Variants in RSPO4 observed in about 807,000 individuals in gnomAD.
RSPO4 encodes the protein R-spondin 4.
A neutral mutation model predicts 24.8 loss-of-function variants in RSPO4; 23 were observed. That is an observed-to-expected ratio of 0.93 (90% CI 0.67 to 1.31). The LOEUF is 1.31. Ranked by LOEUF, RSPO4 falls within the 40% of genes most tolerant of loss-of-function variation. RSPO4 has a pLI of 0.00. For synonymous variants in RSPO4, 141 were observed against 127.4 expected (o/e 1.11, Z -0.72); for missense variants, 333 against 316.5 (o/e 1.05, Z -0.39).
intron 1 of RSPO4, among the ~76,000 whole-genome samples, chr20:1,001,722 A>T (rs1985469338): frequency 6.6e-6 from 1 of 152,086 alleles, no homozygotes; most frequent in Non-Finnish European, 1.5e-5. Context: ...GATGCTTGGA[A>T]TGGCTTCTAC....
chr20:987,441 C>T (rs150592363), intron 1 of RSPO4, among the ~76,000 whole-genome samples: 49 of 152,224 alleles, frequency 3.2e-4, no homozygotes, highest in African/African-American at 1.1e-3. Context: ...CAAATCCCAG[C>T]CCCACCTTTA....
At position 968,089 on chromosome 20, in the gene RSPO4, C is replaced by T. The variant is rs201142150; in HGVS notation, c.129G>A (p.Glu43=). 5 of 1,614,218 alleles carry T rather than the reference C, an allele frequency of 3.1e-6. No homozygotes were observed. Among genetic ancestry groups the T allele is most frequent in the Non-Finnish European group, 4.2e-6 (5 of 1,180,038 alleles). The change falls in exon 2 of 5, where the codon GAG becomes GAA. Residue 43 remains glutamate, a synonymous_variant. Coordinates refer to ENST00000217260, the MANE Select transcript of RSPO4 (RefSeq NM_001029871.4). ...GNCTGCIICS[E]ENGCSTCQQR... The stretch of plus-strand genomic sequence containing the variant: ...GCTGGCAGGTGGAACAGCCGTTCTC[C>T]TCTGAGCAGATGATACAGCCTGTGC...
rs1985487303 is a variant in RSPO4 at position 1,002,106 on chromosome 20, A to C, written c.59T>G (p.Leu20Arg). ...TGTACCTTGCTTCTTCCTTCGGTTC[A>C]GGGCGAGCATGTCCACGGCGTGGGC... ...LVAHAVDMLALNRRKKQVGTG... is the reference protein window; with the variant it reads ...LVAHAVDMLARNRRKKQVGTG... The change falls in exon 1 of 5, where the codon CTG becomes CGG. Residue 20 changes from leucine to arginine, a missense_variant. By Grantham distance (102) the Leu-to-Arg change is moderately radical (BLOSUM62 -2). Transcript: ENST00000217260. This position sits in a 1 kb window ranked among gnomAD's most constrained non-coding sequence, Gnocchi z 4.6. 6.4e-7 allele frequency: 1 copy of C among 1,563,690 alleles called. No homozygotes were observed. Among genetic ancestry groups the C allele is most frequent in the African/African-American group, 1.4e-5 (1 of 73,740 alleles).
In RSPO4 at chr20:960,462, C is replaced by T. The variant is rs1420471193; in HGVS notation, c.600G>A (p.Arg200=). Residue 200 remains arginine, a synonymous_variant, in exon 5 of 5, where the codon AGG becomes AGA. Coordinates refer to ENST00000217260, the MANE Select transcript of RSPO4 (RefSeq NM_001029871.4). ...CPIQRPCPGE[R]SPGQKKGRKD... is the part of the protein sequence containing the mutation. The stretch of plus-strand genomic sequence containing the variant: ...TCCTGCCCTTCTTCTGGCCGGGGCT[C>T]CTCTCTGCAATGAGAGGACAGAGCC... 5.2e-6 allele frequency: 8 copies of T among 1,538,822 alleles called. No individual in the cohort carries two copies. Among genetic ancestry groups the T allele is most frequent in the Non-Finnish European group, 7.0e-6 (8 of 1,146,632 alleles).
At chr20:983,403 C>A (rs1459537394) in intron 1 of RSPO4, among the ~76,000 whole-genome samples, 1 of 152,184 alleles carries the variant, frequency 6.6e-6, no homozygotes, top group Non-Finnish European at 1.5e-5. Flanking sequence ...GAGATCGATT[C>A]CTAAAATGAA....
intron 1 of RSPO4, among the ~76,000 whole-genome samples, chr20:987,630 A>T (rs1984961693): frequency 6.8e-6 from 1 of 146,038 alleles, no homozygotes; most frequent in South Asian, 2.2e-4. Flanking sequence ...CTATGAAAAT[A>T]AAAAAAAAAA....
chr20:977,861 G>A (rs887167810), intron 1 of RSPO4, among the ~76,000 whole-genome samples: 17 of 151,428 alleles, frequency 1.1e-4, no homozygotes, highest in East Asian at 3.9e-4. Context: ...CGCATCCTCC[G>A]ATGCCCGCCT....
Position 981,410 on chromosome 20 carries a change from A to G in RSPO4, c.80-13272T>C, listed in dbSNP as rs1984731147. ...CGTGGTGGTGCACACCTGTAATCCC[A>G]GCTACTCAGGTGGCTGAGGCATGAG... On this transcript the variant is annotated intron_variant, in intron 1 of 4. Transcript: ENST00000217260. The surrounding 1 kb of genome is among the most constrained non-coding windows in gnomAD (Gnocchi z 4.6). Among the ~76,000 whole-genome samples the G allele has an allele frequency of 6.6e-6, 1 of 152,190 alleles. No individual in the cohort carries two copies. The highest frequency in any genetic ancestry group is 2.1e-4 in the South Asian group (1 of 4,834).
At chr20:1,000,621 T>A (rs531113444) in intron 1 of RSPO4, among the ~76,000 whole-genome samples, 1 of 152,270 alleles carries the variant, frequency 6.6e-6, no homozygotes, top group East Asian at 1.9e-4. Flanking sequence ...ATGGGTAAAG[T>A]GAGGATTGGA....
At chr20:963,398 T>C (rs1162496164) in intron 4 of RSPO4, among the ~76,000 whole-genome samples, 1 of 152,130 alleles carries the variant, frequency 6.6e-6, no homozygotes, top group Non-Finnish European at 1.5e-5. Flanking sequence ...ACCTTACTAA[T>C]CATTGGTCAC....
intron 1 of RSPO4, among the ~76,000 whole-genome samples, chr20:985,223 A>C (rs1055818464): frequency 2.3e-5 from 3 of 130,132 alleles, no homozygotes; most frequent in South Asian, 2.5e-4. Flanking sequence ...CCATCCATCC[A>C]CCCACCCATA....
intron 1 of RSPO4, among the ~76,000 whole-genome samples, chr20:984,469 G>A (rs961441695): frequency 6.6e-6 from 1 of 152,210 alleles, no homozygotes; most frequent in African/African-American, 2.4e-5. Context: ...TCCTTGGTCA[G>A]TGTGTCCCTG....
intron 1 of RSPO4, among the ~76,000 whole-genome samples, chr20:990,967 C>T (rs760382683): frequency 2.0e-5 from 3 of 152,192 alleles, no homozygotes; most frequent in East Asian, 1.9e-4. Flanking sequence ...GGAGCATTGT[C>T]GCAACTGAGC....
intron 1 of RSPO4, among the ~76,000 whole-genome samples, chr20:979,324 C>T (rs1984665296): frequency 1.3e-5 from 2 of 152,246 alleles, no homozygotes; most frequent in East Asian, 1.9e-4. Flanking sequence ...CACATTCACC[C>T]GCAAGGCTCC....
chr20:973,946 C>T (rs368579246), intron 1 of RSPO4, among the ~76,000 whole-genome samples: 6 of 152,124 alleles, frequency 3.9e-5, no homozygotes, highest in East Asian at 3.9e-4. Flanking sequence ...TTTTGACTTC[C>T]GGTAGCCTGT....
At chr20:978,123 T>G (rs966804475) in intron 1 of RSPO4, among the ~76,000 whole-genome samples, 2 of 152,188 alleles carry the variant, frequency 1.3e-5, no homozygotes, top group African/African-American at 4.8e-5. Context: ...TGGACCCTTC[T>G]CAGCACTCAG....
At position 958,514 on chromosome 20, in the gene RSPO4, TAAC is replaced by T. The variant is rs1429152217; in HGVS notation, c.*1840_*1842del. 6.6e-6 allele frequency: 1 copy of T among 151,978 alleles called. No homozygotes were observed. Among genetic ancestry groups the T allele is most frequent in the Non-Finnish European group, 1.5e-5 (1 of 68,002 alleles). The allele number at this position is 151,978 out of a possible 1,614,324, so 9.4% of individuals were successfully genotyped here. ...AAAAAAAGTTAGGGTCTTGAAACAA[TAAC>T]AACGGAGCATTTCAGAGGCACAAAC... On this transcript the variant is annotated 3_prime_UTR_variant, in exon 5 of 5. Transcript: ENST00000217260.
intron 1 of RSPO4, among the ~76,000 whole-genome samples, chr20:988,198 G>A (rs1017562585): frequency 2.0e-5 from 3 of 152,248 alleles, no homozygotes; most frequent in African/African-American, 7.2e-5. Flanking sequence ...TGGAGGCAGA[G>A]GGGCCAGACC....
At chr20:963,390 C>T (rs1984067721) in intron 4 of RSPO4, among the ~76,000 whole-genome samples, 1 of 152,262 alleles carries the variant, frequency 6.6e-6, no homozygotes, top group South Asian at 2.1e-4. Flanking sequence ...TGGGTTGGAC[C>T]TTACTAATCA....
Sources: allele counts gnomAD v4.1 joint callset (sites outside exome capture counted in the v4.1 genomes callset), GRCh38; gene constraint gnomAD v4.1.1; non-coding constraint Gnocchi (gnomAD v3.1); transcripts MANE v1.5; gene names NCBI Gene and HGNC (gene_info 2026-07-23, HGNC 2026-07-21).